The following SLC24A4 variants were observed in gnomAD, a reference collection of about 807,000 sequenced individuals.
The protein encoded by SLC24A4 is solute carrier family 24 member 4.
SLC24A4 carries 53 observed loss-of-function variants against 79.0 expected under a neutral mutation model. The observed-to-expected ratio is 0.67, with a 90% CI of 0.54 to 0.84. SLC24A4 has a LOEUF of 0.84. SLC24A4 is among the 40% of genes least tolerant of loss of function. The probability of loss-of-function intolerance (pLI) is 0.00; values close to 1 mark genes in which losing one functional copy is unlikely to be tolerated. For synonymous variants in SLC24A4, 323 were observed against 323.8 expected (o/e 1.00, Z 0.03); for missense variants, 731 against 822.0 (o/e 0.89, Z 1.35).
At chr14:92,419,589 T>A (rs1891167956) in intron 2 of SLC24A4, among the ~76,000 whole-genome samples, 1 of 152,192 alleles carries the variant, frequency 6.6e-6, no homozygotes, top group Admixed American at 6.5e-5. Context: ...AGAGTGAACA[T>A]GAAATTTATC....
intron 2 of SLC24A4, among the ~76,000 whole-genome samples, chr14:92,348,948 C>T (rs940483348): frequency 1.3e-5 from 2 of 152,264 alleles, no homozygotes; most frequent in Admixed American, 1.3e-4. Flanking sequence ...GGTTTAACCA[C>T]TGACCATGGC....
intron 13 of SLC24A4, among the ~76,000 whole-genome samples, chr14:92,485,494 A>C (rs1895300817): frequency 6.6e-6 from 1 of 151,784 alleles, no homozygotes; most frequent in South Asian, 2.1e-4. Flanking sequence ...AAAAAAAAAA[A>C]CTCCCTAGAA....
intron 2 of SLC24A4, among the ~76,000 whole-genome samples, chr14:92,427,493 G>A (rs1227851069): frequency 6.6e-6 from 1 of 152,248 alleles, no homozygotes; most frequent in African/African-American, 2.4e-5. Context: ...GCTGCCCTGT[G>A]GAAAACAGGA....
chr14:92,392,629 T>C (rs1288107128), intron 2 of SLC24A4, among the ~76,000 whole-genome samples: 1 of 152,192 alleles, frequency 6.6e-6, no homozygotes, highest in Non-Finnish European at 1.5e-5. Context: ...GGGGCGGGCA[T>C]CCAGATGCCT....
At chr14:92,410,851 A>T (rs142270747) in intron 2 of SLC24A4, among the ~76,000 whole-genome samples, 3 of 152,298 alleles carry the variant, frequency 2.0e-5, no homozygotes, top group African/African-American at 7.2e-5. Flanking sequence ...GGATGTGGTG[A>T]ATTGCACATA....
rs1027283577 is a variant in SLC24A4 at position 92,441,297 on chromosome 14, T to C, written c.394-792T>C. ...TCAGTCTCCACGGTTTCTCCAAACATCCAAAGCCTCCAGCGCTGCATTTCG... is the reference window on the plus strand; with the variant it reads ...TCAGTCTCCACGGTTTCTCCAAACACCCAAAGCCTCCAGCGCTGCATTTCG... On this transcript the variant is annotated intron_variant, in intron 4 of 16. Transcript: ENST00000532405. The surrounding 1 kb of genome is among the most constrained non-coding windows in gnomAD (Gnocchi z 4.6). 6.6e-6 allele frequency among the ~76,000 whole-genome samples: 1 copy of C among 152,170 alleles called. No individual in the cohort carries two copies. The highest frequency in any genetic ancestry group is 2.4e-5 in the African/African-American group (1 of 41,436).
At chr14:92,382,642 T>C (rs1156698601) in intron 2 of SLC24A4, among the ~76,000 whole-genome samples, 1 of 152,134 alleles carries the variant, frequency 6.6e-6, no homozygotes, top group African/African-American at 2.4e-5. Context: ...CCATTGGTGG[T>C]CATCAGAGCA....
intron 12 of SLC24A4, among the ~76,000 whole-genome samples, chr14:92,473,654 A>G (rs1249175703): frequency 6.6e-6 from 1 of 152,192 alleles, no homozygotes; most frequent in Non-Finnish European, 1.5e-5. Flanking sequence ...GTCTCAGGAC[A>G]GCTGGAACCA....
At position 92,479,398 on chromosome 14, in the gene SLC24A4, G is replaced by A. The variant is rs1327325734; in HGVS notation, c.1256-3282G>A. On this transcript the variant is annotated intron_variant, in intron 12 of 16. Transcript: ENST00000532405. ...AGGTTCCCTCAGTTCCTAGTTTGTT[G>A]AGTGTTTCCATCAAGAAAGAGTGTT... 5.3e-5 allele frequency among the ~76,000 whole-genome samples: 8 copies of A among 152,222 alleles called. No homozygotes were observed. In the East Asian group the frequency reaches 1.5e-3, roughly 29 times the overall value.
At chr14:92,391,558 C>T (rs1288898273) in intron 2 of SLC24A4, among the ~76,000 whole-genome samples, 2 of 152,218 alleles carry the variant, frequency 1.3e-5, no homozygotes, top group Non-Finnish European at 2.9e-5. Context: ...CAGTTGATTG[C>T]AGTGGTCATG....
intron 2 of SLC24A4, among the ~76,000 whole-genome samples, chr14:92,335,263 T>G (rs1050580404): frequency 6.6e-6 from 1 of 152,218 alleles, no homozygotes; most frequent in African/African-American, 2.4e-5. Context: ...GATGAGTCAA[T>G]ATTGATACAT....
rs993680087 is a variant in SLC24A4, at chr14:92,339,311, C to T, written c.241+13333C>T. On this transcript the variant is annotated intron_variant, in intron 2 of 16. Coordinates refer to ENST00000532405, the MANE Select transcript of SLC24A4 (RefSeq NM_153646.4). ...TCCCCGATGTCAAAATCAAAGAGGG[C>T]GTCCCAGCAAAGATGGCATTGAAGA... 1.2e-4 allele frequency among the ~76,000 whole-genome samples: 19 copies of T among 152,210 alleles called. No homozygotes were observed. The East Asian group carries it at 2.7e-3, about 22-fold the overall frequency.
intron 2 of SLC24A4, among the ~76,000 whole-genome samples, chr14:92,389,901 A>C (rs1889370154): frequency 6.6e-6 from 1 of 152,018 alleles, no homozygotes; most frequent in African/African-American, 2.4e-5. Context: ...TTCCCTGCCA[A>C]GTCTTATTCC....
In SLC24A4 at chr14:92,401,089, G is replaced by A. The variant is rs142029361; in HGVS notation, c.242-32823G>A. Among the ~76,000 whole-genome samples, 12 of 152,240 alleles carry A rather than the reference G, an allele frequency of 7.9e-5. No individual in the cohort carries two copies. In the East Asian group the frequency reaches 2.3e-3, roughly 30 times the overall value. On this transcript the variant is annotated intron_variant, in intron 2 of 16. Transcript: ENST00000532405. Reference sequence around the variant, plus strand: ...CAGTCCTTGCTTCTCCACCAGCAAGGCAGGAGGACACAATAAAGAGAAAAG... The same window carrying A: ...CAGTCCTTGCTTCTCCACCAGCAAGACAGGAGGACACAATAAAGAGAAAAG...
chr14:92,332,125 CA>C (rs1025523230), intron 2 of SLC24A4, among the ~76,000 whole-genome samples: 1 of 151,678 alleles, frequency 6.6e-6, no homozygotes, highest in African/African-American at 2.4e-5. Flanking sequence ...ACTAAAAATA[CA>C]AAAAAATTAG....
chr14:92,377,489 G>A (rs1012999320), intron 2 of SLC24A4, among the ~76,000 whole-genome samples: 4 of 152,174 alleles, frequency 2.6e-5, no homozygotes, highest in Non-Finnish European at 5.9e-5. Flanking sequence ...ATGAGGTGCA[G>A]TACCCATGTA....
At chr14:92,438,255 A>G (rs1333965920) in intron 3 of SLC24A4, among the ~76,000 whole-genome samples, 1 of 152,214 alleles carries the variant, frequency 6.6e-6, no homozygotes, top group Non-Finnish European at 1.5e-5. Context: ...AGCGGCTCGC[A>G]GAATTCAGGG....
At position 92,340,588 on chromosome 14, in the gene SLC24A4, G is replaced by A. The variant is rs199970323; in HGVS notation, c.241+14610G>A. 4.3e-3 allele frequency among the ~76,000 whole-genome samples: 649 copies of A among 151,984 alleles called. 10 individuals carry two copies. In the East Asian group the frequency reaches 0.043, roughly 10 times the overall value. On this transcript the variant is annotated intron_variant, in intron 2 of 16. Coordinates refer to ENST00000532405, the MANE Select transcript of SLC24A4 (RefSeq NM_153646.4). ...GAGGCTGCATCATGCCAAACCTGCA[G>A]GGGGCTGGGCTTTCCTGTGTCTCAC...
At chr14:92,364,687 A>G (rs1887724632) in intron 2 of SLC24A4, among the ~76,000 whole-genome samples, 1 of 152,094 alleles carries the variant, frequency 6.6e-6, no homozygotes, top group African/African-American at 2.4e-5. Context: ...TCATCTGTGC[A>G]TGGCTGGCCC....
Sources: gnomAD v4.1 joint callset for allele counts (sites outside exome capture counted in the v4.1 genomes callset) on GRCh38, gnomAD v4.1.1 for gene constraint, Gnocchi (gnomAD v3.1) non-coding constraint, MANE v1.5 for transcripts, NCBI Gene and HGNC (gene_info 2026-07-23, HGNC 2026-07-21) for gene names.